The following NTN1 variants were observed in gnomAD, a reference collection of about 807,000 sequenced individuals.
NTN1 encodes netrin 1, also known as netrin-1.
Under a neutral mutation model 54.2 loss-of-function variants are expected in NTN1, and 11 were observed. That is an observed-to-expected ratio of 0.20 (90% CI 0.13 to 0.34). NTN1 has a LOEUF of 0.34. Among genes scored for constraint, NTN1 ranks in the 10% least tolerant of loss-of-function variants. The pLI, the probability that NTN1 is intolerant of heterozygous loss-of-function variation, is 1.00. For missense variants in NTN1, 740 were observed against 893.1 expected (o/e 0.83, Z 2.18); for synonymous variants, 371 against 382.0 (o/e 0.97, Z 0.33).
intron 5 of NTN1, among the ~76,000 whole-genome samples, chr17:9,201,361 G>C (rs984877319): frequency 1.3e-5 from 2 of 152,124 alleles, no homozygotes; most frequent in Non-Finnish European, 2.9e-5. Context: ...TCAAGGTTTT[G>C]GTGAGCATAT....
chr17:9,142,244 G>A (rs1435717511), intron 2 of NTN1, among the ~76,000 whole-genome samples: 4 of 151,632 alleles, frequency 2.6e-5, no homozygotes, highest in African/African-American at 7.3e-5. Context: ...AGTTGAGATC[G>A]TGCCATTGCA....
At chr17:9,050,644 G>A (rs1025610625) in intron 2 of NTN1, among the ~76,000 whole-genome samples, 3 of 144,918 alleles carry the variant, frequency 2.1e-5, no homozygotes, top group Admixed American at 1.4e-4. Context: ...ACTCCAGCCT[G>A]GGCGACAGAG....
intron 5 of NTN1, among the ~76,000 whole-genome samples, chr17:9,194,439 G>A (rs767161671): frequency 1.1e-4 from 16 of 152,236 alleles, no homozygotes; most frequent in Admixed American, 3.3e-4. Flanking sequence ...GCTTCGTGGA[G>A]TGAGTGGTGG....
chr17:9,142,733 A>G (rs1484398660), intron 2 of NTN1, among the ~76,000 whole-genome samples: 1 of 152,214 alleles, frequency 6.6e-6, no homozygotes, highest in Non-Finnish European at 1.5e-5. Context: ...CAACCAACCA[A>G]CCAAAAAGTC....
At chr17:9,026,391 C>CGG (rs34098463) in intron 2 of NTN1, among the ~76,000 whole-genome samples, 56,316 of 135,576 alleles carry the variant, frequency 0.42, 11,536 homozygotes, top group Non-Finnish European at 0.45. Context: ...GGATTTCTTC[C>CGG]GGGGGGGGGG....
At chr17:9,177,661 A>G (rs2092404133) in intron 3 of NTN1, 1 of 152,180 alleles carries the variant, frequency 6.6e-6, no homozygotes, top group South Asian at 2.1e-4. Context: ...GGCCCTTTGC[A>G]TTCGCACGGC....
intron 5 of NTN1, among the ~76,000 whole-genome samples, chr17:9,216,146 C>T (rs1035374914): frequency 6.6e-6 from 1 of 152,106 alleles, no homozygotes; most frequent in Non-Finnish European, 1.5e-5. Context: ...TTTTAAGGGA[C>T]GGAATTTTGC....
At chr17:9,120,436 G>A (rs998174099) in intron 2 of NTN1, among the ~76,000 whole-genome samples, 9 of 152,196 alleles carry the variant, frequency 5.9e-5, no homozygotes, top group South Asian at 2.1e-4. Flanking sequence ...ATGTCCAAGC[G>A]TGAGGGAACA....
chr17:9,175,165 A>T (rs1408281651), intron 3 of NTN1: 1 of 152,280 alleles, frequency 6.6e-6, no homozygotes, highest in Non-Finnish European at 1.5e-5. Context: ...GGCAGAGCCC[A>T]GGAGCCTTCA....
chr17:9,026,159 C>T (rs893548609), intron 2 of NTN1, among the ~76,000 whole-genome samples: 5 of 152,082 alleles, frequency 3.3e-5, no homozygotes, highest in Admixed American at 6.5e-5. Flanking sequence ...CCCACCCTCC[C>T]GCAAAGAAAA....
Position 9,130,142 on chromosome 17 carries a change from T to C in NTN1, c.1019-32671T>C, listed in dbSNP as rs549092208. ...GTAGTCAGTGGCTGTCTCGCTGTTT[T>C]CTACCTGTTGACAGCAGTCATCTCA... On this transcript the variant is annotated intron_variant, in intron 2 of 6. Coordinates refer to ENST00000173229, the MANE Select transcript of NTN1 (RefSeq NM_004822.3). 4.6e-5 allele frequency among the ~76,000 whole-genome samples: 7 copies of C among 152,294 alleles called. No homozygotes were observed. The East Asian group carries it at 1.2e-3, about 25-fold the overall frequency.
intron 2 of NTN1, among the ~76,000 whole-genome samples, chr17:9,081,241 C>T (rs1394740191): frequency 1.3e-5 from 2 of 152,168 alleles, no homozygotes; most frequent in Admixed American, 1.3e-4. Flanking sequence ...AAAATTCCCT[C>T]ACACTTCTTG....
chr17:9,158,953 T>C (rs2092350619), intron 2 of NTN1, among the ~76,000 whole-genome samples: 1 of 152,276 alleles, frequency 6.6e-6, no homozygotes, highest in Middle Eastern at 3.4e-3. Flanking sequence ...TCTAGGGCCC[T>C]GTCCACCTCT....
chr17:9,185,775 C>A (rs1214452632), intron 5 of NTN1, among the ~76,000 whole-genome samples: 1 of 152,224 alleles, frequency 6.6e-6, no homozygotes, highest in African/African-American at 2.4e-5. Flanking sequence ...CCCCACCTAT[C>A]AACTCAAGGG....
intron 2 of NTN1, among the ~76,000 whole-genome samples, chr17:9,057,436 A>G (rs1008558691): frequency 3.6e-4 from 54 of 152,076 alleles, no homozygotes; most frequent in African/African-American, 1.3e-3. Context: ...GCTTATCACT[A>G]TATTGTTTGC....
intron 5 of NTN1, among the ~76,000 whole-genome samples, chr17:9,216,022 G>A (rs1022031325): frequency 3.3e-5 from 5 of 152,298 alleles, no homozygotes; most frequent in Middle Eastern, 3.4e-3. Context: ...GTGCAGTGGC[G>A]CAGTCACAGC....
intron 5 of NTN1, among the ~76,000 whole-genome samples, chr17:9,189,094 A>G (rs1904381238): frequency 6.6e-6 from 1 of 152,218 alleles, no homozygotes; most frequent in Non-Finnish European, 1.5e-5. Context: ...AGGAGACAAC[A>G]TTTATATACA....
At chr17:9,164,477 A>G (rs2092368256) in intron 3 of NTN1, among the ~76,000 whole-genome samples, 1 of 152,066 alleles carries the variant, frequency 6.6e-6, no homozygotes, top group African/African-American at 2.4e-5. Flanking sequence ...AAAGTAACAA[A>G]GTAGGGGGCT....
intron 5 of NTN1, among the ~76,000 whole-genome samples, chr17:9,200,230 A>C (rs1324578767): frequency 6.6e-6 from 1 of 152,172 alleles, no homozygotes; most frequent in African/African-American, 2.4e-5. Flanking sequence ...TAGAGAGCCA[A>C]CTGGTTCCCT....
Sources: allele counts gnomAD v4.1 joint callset (sites outside exome capture counted in the v4.1 genomes callset), GRCh38; gene constraint gnomAD v4.1.1; transcripts MANE v1.5; gene names NCBI Gene and HGNC (gene_info 2026-07-23, HGNC 2026-07-21).